The following SLC6A12 variants were observed in gnomAD, a reference collection of about 807,000 sequenced individuals.
SLC6A12 encodes the protein sodium- and chloride-dependent betaine transporter.
SLC6A12 carries 50 observed loss-of-function variants against 73.3 expected under a neutral mutation model. The ratio of observed to expected loss-of-function variants is 0.68; its 90% CI spans 0.54 to 0.86. SLC6A12 has a LOEUF of 0.86. Ranked by LOEUF, SLC6A12 falls within the 40% of genes least tolerant of loss-of-function variation. The pLI is 0.00. For missense variants in SLC6A12, 648 were observed against 772.8 expected (o/e 0.84, Z 1.92); for synonymous variants, 304 against 309.2 (o/e 0.98, Z 0.18).
At chr12:200,030 A>G (rs1251452582) in intron 7 of SLC6A12, among the ~76,000 whole-genome samples, 3 of 151,966 alleles carry the variant, frequency 2.0e-5, no homozygotes, top group African/African-American at 7.3e-5. Context: ...ATGAACAGAG[A>G]TTAGCAGTGC....
chr12:197,000 G>A, intron 10 of SLC6A12, 118 bp from the exon 11 acceptor site: 2 of 593,576 alleles, frequency 3.4e-6, no homozygotes, highest in Non-Finnish European at 6.0e-6. Context: ...AGAGGAAAGG[G>A]TGATTCCATC....
downstream of SLC6A12, among the ~76,000 whole-genome samples, chr12:188,182 G>C (rs1939471459): frequency 1.3e-5 from 2 of 152,184 alleles, 1 homozygote; most frequent in Non-Finnish European, 2.9e-5. Context: ...GCGCTGGTCG[G>C]GGAGGCTCGG....
chr12:192,753 A>G, intron 14 of SLC6A12, 105 bp from the exon 15 acceptor site: 2 of 1,066,154 alleles, frequency 1.9e-6, no homozygotes, highest in South Asian at 1.4e-5. Context: ...GCACTGCAGC[A>G]CGTCTGTAAG....
At chr12:184,533 G>A in the SLC6A12 span, among the ~76,000 whole-genome samples, 16 of 152,110 alleles carry the variant, frequency 1.1e-4, no homozygotes, top group Non-Finnish European at 1.6e-4. Context: ...GGCGGATCAC[G>A]AGGTCAGGAG....
chr12:196,823 G>T lies in SLC6A12; in HGVS notation c.1135C>A (p.Leu379Met). Residue 379 changes from leucine (L) to methionine (M), a missense_variant, in exon 11 of 16, where the codon CTG becomes ATG. Transcript: ENST00000684302. ...KAVTMMPLSQ[L>M]WSCLFFIMLI... Reference sequence around the variant, plus strand: ...ATGATAAAGAACAGGCAGGACCACAGCTGGGATAAGGGCATCATAGTCACA... The same window carrying T: ...ATGATAAAGAACAGGCAGGACCACATCTGGGATAAGGGCATCATAGTCACA... The T allele has an allele frequency of 6.2e-7, 1 of 1,613,996 alleles. No homozygotes were observed. Among genetic ancestry groups the T allele is most frequent in the Non-Finnish European group, 8.5e-7 (1 of 1,179,932 alleles).
downstream of SLC6A12, among the ~76,000 whole-genome samples, chr12:186,210 G>C (rs1274888982): frequency 1.3e-5 from 2 of 152,106 alleles, no homozygotes; most frequent in Non-Finnish European, 2.9e-5. Flanking sequence ...TCGCGCTCTG[G>C]GAAGTGGCCA....
the SLC6A12 span, among the ~76,000 whole-genome samples, chr12:184,454 A>G: frequency 2.0e-5 from 3 of 152,024 alleles, no homozygotes; most frequent in Non-Finnish European, 4.4e-5. Context: ...GCAAAACCTC[A>G]TCTCTACTAA....
downstream of SLC6A12, among the ~76,000 whole-genome samples, chr12:187,568 G>C (rs117577057): frequency 7.0e-5 from 9 of 129,280 alleles, no homozygotes; most frequent in African/African-American, 3.0e-4. Context: ...GTGAGCAGCA[G>C]CAAGATTTAC....
chr12:198,939 T>C lies in SLC6A12; in HGVS notation c.712-8A>G. 1 of 1,613,554 alleles carries C rather than the reference T, an allele frequency of 6.2e-7. No individual in the cohort carries two copies. The highest frequency in any genetic ancestry group is 8.5e-7 in the Non-Finnish European group (1 of 1,179,798). ...GGCTGTGAAATAAACCACCTGGAGGTGGGGGGACAGGCCAAGGTCACTCCT... is the reference window on the plus strand; with the variant it reads ...GGCTGTGAAATAAACCACCTGGAGGCGGGGGGACAGGCCAAGGTCACTCCT... On this transcript the variant is annotated splice_polypyrimidine_tract_variant and splice_region_variant and intron_variant, in intron 7 of 15. Transcript: ENST00000684302. This position sits in a 1 kb window ranked among gnomAD's most constrained non-coding sequence, Gnocchi z 4.0.
chr12:187,589 C>CAAAAAAAAAAAAAAAAAAAAA (rs761187495), downstream of SLC6A12, among the ~76,000 whole-genome samples: 21 of 106,040 alleles, frequency 2.0e-4, 1 homozygote, highest in South Asian at 7.2e-4. Context: ...TGCAAAAGAG[C>CAAAAAAAAAAAAAAAAAAAAA]AAAAAAAAAA....
downstream of SLC6A12, among the ~76,000 whole-genome samples, chr12:186,953 G>A (rs3847948): frequency 3.9e-5 from 6 of 152,092 alleles, no homozygotes; most frequent in Admixed American, 2.0e-4. Context: ...TGTCCCTTGC[G>A]TCGCACCCAA....
intron 14 of SLC6A12, 41 bp downstream of exon 14, chr12:193,235 TG>T: frequency 7.1e-7 from 1 of 1,402,222 alleles, no homozygotes; most frequent in Non-Finnish European, 1.0e-6. Flanking sequence ...TGGAGTCTTC[TG>T]GGGGCAGGAA....
In SLC6A12 at chr12:198,345, CT is replaced by C. The variant is rs916446382; in HGVS notation, c.847-343del. Among the ~76,000 whole-genome samples the C allele has an allele frequency of 6.6e-6, 1 of 152,236 alleles. No individual in the cohort carries two copies. Among genetic ancestry groups the C allele is most frequent in the Admixed American group, 6.5e-5 (1 of 15,288 alleles). ...CACTTGTCTCATTCAACTAAGATCT[CT>C]GTACATAGTGTCTTAAGCAGCTATG... is the stretch of plus-strand genomic sequence containing the variant. On this transcript the variant is annotated intron_variant, in intron 8 of 15. Transcript: ENST00000684302. The surrounding 1 kb of genome is among the most constrained non-coding windows in gnomAD (Gnocchi z 4.0).
At chr12:185,849 C>T (rs148695760), downstream of SLC6A12, among the ~76,000 whole-genome samples, 61 of 152,342 alleles carry the variant, frequency 4.0e-4, no homozygotes, top group African/African-American at 1.4e-3. Context: ...GCTTGGCTCT[C>T]ATCTCACCCC....
chr12:191,433 C>T (rs778010984), intron 15 of SLC6A12, among the ~76,000 whole-genome samples: 47 of 152,222 alleles, frequency 3.1e-4, no homozygotes, highest in Admixed American at 3.9e-4. Context: ...GCTCTGCTGC[C>T]GACCTGCGCC....
intron 12 of SLC6A12, among the ~76,000 whole-genome samples, chr12:195,866 G>T (rs1939834610): frequency 6.6e-6 from 1 of 152,144 alleles, no homozygotes; most frequent in Non-Finnish European, 1.5e-5. Flanking sequence ...CCGAAACCCA[G>T]ATATCCTAGG....
chr12:196,254 C>G lies in SLC6A12; in HGVS notation c.1196G>C (p.Cys399Ser). ...IFLGLDSQFV[C>S]VECLVTASID... is the part of the protein sequence containing the mutation. ...GGAGGCTGTCACCAGGCACTCCACACAGACAAACTGTGGGCCAGGAGGGGA... is the reference window on the plus strand; with the variant it reads ...GGAGGCTGTCACCAGGCACTCCACAGAGACAAACTGTGGGCCAGGAGGGGA... The change falls in exon 12 of 16, where the codon TGT becomes TCT. Residue 399 changes from cysteine to serine, a missense_variant. Physicochemically the swap from Cys to Ser is moderately radical, Grantham distance 112 (BLOSUM62 -1). Coordinates refer to ENST00000684302, the MANE Select transcript of SLC6A12 (RefSeq NM_001122848.3). 6.2e-7 allele frequency: 1 copy of G among 1,608,538 alleles called. No individual in the cohort carries two copies. Among genetic ancestry groups the G allele is most frequent in the Non-Finnish European group, 8.5e-7 (1 of 1,178,492 alleles).
intron 15 of SLC6A12, 119 bp from the exon 16 acceptor site, chr12:191,330 T>G: frequency 1.2e-6 from 1 of 819,186 alleles, no homozygotes; most frequent in Admixed American, 4.3e-5. Flanking sequence ...CCGCACAGTA[T>G]GAGTGAGTCA....
At chr12:184,755 T>C in the SLC6A12 span, among the ~76,000 whole-genome samples, 1 of 77,022 alleles carries the variant, frequency 1.3e-5, no homozygotes, top group Non-Finnish European at 3.4e-5. Context: ...GTCTCAAAAA[T>C]AAATAAATAA....
Sources: gnomAD v4.1 joint callset for allele counts (sites outside exome capture counted in the v4.1 genomes callset) on GRCh38, gnomAD v4.1.1 for gene constraint, Gnocchi (gnomAD v3.1) non-coding constraint, MANE v1.5 for transcripts, NCBI Gene and HGNC (gene_info 2026-07-23, HGNC 2026-07-21) for gene names.